The following TSHZ2 variants were observed in gnomAD, a reference collection of about 807,000 sequenced individuals.
The protein encoded by TSHZ2 is teashirt homolog 2.
In TSHZ2, 21 loss-of-function variants were observed where a neutral mutation model predicts 74.4. The ratio of observed to expected loss-of-function variants is 0.28; its 90% CI spans 0.20 to 0.41. The LOEUF (loss-of-function observed/expected upper bound fraction) is 0.41. Ranked by LOEUF, TSHZ2 falls within the 10% of genes least tolerant of loss-of-function variation. The pLI, the probability that TSHZ2 is intolerant of heterozygous loss-of-function variation, is 1.00. For synonymous variants in TSHZ2, 540 were observed against 515.3 expected, an observed-to-expected ratio of 1.05 and a Z score of -0.65; for missense variants, 1,244 against 1,293.5, an observed-to-expected ratio of 0.96 and a Z score of 0.59.
intron 2 of TSHZ2, among the ~76,000 whole-genome samples, chr20:53,261,241 C>T (rs1258404540): frequency 1.3e-5 from 2 of 152,184 alleles, no homozygotes; most frequent in Admixed American, 1.3e-4. Context: ...AGGACACTTT[C>T]CTGGGCCTTT....
chr20:53,420,621 G>T (rs1018465994), intron 2 of TSHZ2, among the ~76,000 whole-genome samples: 2 of 152,092 alleles, frequency 1.3e-5, no homozygotes, highest in Admixed American at 6.5e-5. Context: ...AGCTACTTGG[G>T]ACTACTGGGA....
intron 1 of TSHZ2, among the ~76,000 whole-genome samples, chr20:53,150,669 AAAG>A (rs776194855): frequency 1.0e-3 from 155 of 152,116 alleles, no homozygotes; most frequent in Non-Finnish European, 7.5e-4. Context: ...AAAGAAAGAG[AAAG>A]AAGAAAGGAA....
chr20:53,336,832 G>T (rs1465305180), intron 2 of TSHZ2, among the ~76,000 whole-genome samples: 1 of 152,048 alleles, frequency 6.6e-6, no homozygotes, highest in Non-Finnish European at 1.5e-5. Context: ...ATAGATGTGT[G>T]CATATACGTA....
At position 53,042,713 on chromosome 20, in the gene TSHZ2, A is replaced by AC. The variant is rs1466256085; in HGVS notation, c.40+69380_40+69381insC. ...TGGAAGTAGAGAAGAAAAAAAAAAA[A>AC]AAAACACTGGAATTCCAAGCTTCCA... On this transcript the variant is annotated intron_variant, in intron 1 of 2. Transcript: ENST00000371497. 2.0e-5 allele frequency among the ~76,000 whole-genome samples: 3 copies of AC among 152,056 alleles called. No individual in the cohort carries two copies. The East Asian group carries it at 5.8e-4, about 29-fold the overall frequency.
chr20:53,341,856 G>A (rs757779034), intron 2 of TSHZ2, among the ~76,000 whole-genome samples: 19 of 152,000 alleles, frequency 1.3e-4, no homozygotes, highest in South Asian at 4.1e-4. Context: ...GATTACAGGC[G>A]TGTGCCACCA....
At chr20:53,215,808 T>C (rs1205485500) in intron 1 of TSHZ2, among the ~76,000 whole-genome samples, 2 of 145,664 alleles carry the variant, frequency 1.4e-5, no homozygotes, top group Non-Finnish European at 3.0e-5. Context: ...GCGGAGGTTG[T>C]GGTGAGCCGA....
At chr20:53,096,577 T>C (rs999409132) in intron 1 of TSHZ2, among the ~76,000 whole-genome samples, 1 of 151,808 alleles carries the variant, frequency 6.6e-6, no homozygotes, top group Non-Finnish European at 1.5e-5. Context: ...AGCATCATCA[T>C]CATCATTTAA....
At chr20:53,387,264 G>T (rs1464316193) in intron 2 of TSHZ2, among the ~76,000 whole-genome samples, 1 of 152,234 alleles carries the variant, frequency 6.6e-6, no homozygotes, top group Non-Finnish European at 1.5e-5. Flanking sequence ...GGTCTAAAAA[G>T]CAGTGCCTCC....
intron 2 of TSHZ2, among the ~76,000 whole-genome samples, chr20:53,434,043 G>A (rs1389303403): frequency 6.6e-6 from 1 of 151,984 alleles, no homozygotes; most frequent in Non-Finnish European, 1.5e-5. Flanking sequence ...TAATTTTTTT[G>A]GATTGTTGGT....
At chr20:53,404,019 C>A (rs6013678) in intron 2 of TSHZ2, among the ~76,000 whole-genome samples, 2 of 152,174 alleles carry the variant, frequency 1.3e-5, no homozygotes, top group Admixed American at 6.5e-5. Context: ...CATCATTATG[C>A]TAAGATGTTG....
At chr20:53,477,974 A>G (rs1176952097) in intron 2 of TSHZ2, among the ~76,000 whole-genome samples, 3 of 143,740 alleles carry the variant, frequency 2.1e-5, no homozygotes, top group African/African-American at 8.0e-5. Context: ...ACTATCTCAC[A>G]CTAGTTAGAA....
At chr20:53,296,497 C>T (rs984165590) in intron 2 of TSHZ2, among the ~76,000 whole-genome samples, 7 of 152,182 alleles carry the variant, frequency 4.6e-5, no homozygotes, top group African/African-American at 1.7e-4. Context: ...AAAGTGCTGT[C>T]GAAAACAGCT....
intron 1 of TSHZ2, among the ~76,000 whole-genome samples, chr20:53,050,120 T>C (rs889456244): frequency 6.3e-4 from 47 of 74,566 alleles, no homozygotes; most frequent in South Asian, 5.3e-3. Flanking sequence ...TATATATATA[T>C]ATATACACAT....
intron 1 of TSHZ2, among the ~76,000 whole-genome samples, chr20:53,206,343 C>T (rs1252594906): frequency 6.6e-6 from 1 of 152,200 alleles, no homozygotes; most frequent in African/African-American, 2.4e-5. Context: ...ACAAAACAGG[C>T]CCCCGAGTAC....
intron 1 of TSHZ2, among the ~76,000 whole-genome samples, chr20:53,190,818 A>G (rs1988719026): frequency 6.6e-6 from 1 of 152,172 alleles, no homozygotes; most frequent in Non-Finnish European, 1.5e-5. Flanking sequence ...CATCTATAAA[A>G]CAAAAAGTGG....
chr20:53,241,463 G>A (rs752213371), intron 1 of TSHZ2, among the ~76,000 whole-genome samples: 85 of 152,068 alleles, frequency 5.6e-4, no homozygotes, highest in Non-Finnish European at 9.9e-4. Context: ...TTTTTTATTC[G>A]TTTGTTTCTT....
chr20:53,411,970 G>A (rs1983069368), intron 2 of TSHZ2, among the ~76,000 whole-genome samples: 1 of 152,184 alleles, frequency 6.6e-6, no homozygotes, highest in Non-Finnish European at 1.5e-5. Flanking sequence ...ATGTTGAATA[G>A]GCATGTTGCC....
At chr20:53,340,386 G>C (rs373853103) in intron 2 of TSHZ2, among the ~76,000 whole-genome samples, 2 of 151,856 alleles carry the variant, frequency 1.3e-5, no homozygotes, top group African/African-American at 4.8e-5. Context: ...GGGTTTCACC[G>C]TGTTAGTCAG....
intron 2 of TSHZ2, among the ~76,000 whole-genome samples, chr20:53,313,934 G>C (rs992587184): frequency 1.9e-4 from 29 of 152,158 alleles, no homozygotes; most frequent in Non-Finnish European, 3.5e-4. Flanking sequence ...CACTGGCTGT[G>C]TATTACCTTA....
Sources: allele counts gnomAD v4.1 joint callset (sites outside exome capture counted in the v4.1 genomes callset), GRCh38; gene constraint gnomAD v4.1.1; transcripts MANE v1.5; gene names NCBI Gene and HGNC (gene_info 2026-07-23, HGNC 2026-07-21).